DEAF1: variants seen among roughly 807,000 people sequenced by gnomAD.
DEAF1 encodes DEAF1 transcription factor, also known as deformed epidermal autoregulatory factor 1 homolog.
In DEAF1, 53 loss-of-function variants were observed where a neutral mutation model predicts 58.9. That is an observed-to-expected ratio of 0.90 (90% confidence interval 0.72 to 1.13). DEAF1 has a LOEUF of 1.13. Ranked by LOEUF, DEAF1 falls within the 50% of genes most tolerant of loss-of-function variation. The probability of loss-of-function intolerance (pLI) is 0.00; values close to 1 mark genes in which losing one functional copy is unlikely to be tolerated. For synonymous variants in DEAF1, 385 were observed against 340.4 expected, an observed-to-expected ratio of 1.13 and a Z score of -1.44; for missense variants, 685 against 791.4, an observed-to-expected ratio of 0.87 and a Z score of 1.61.
chr11:657,619 C>T (rs117488660), intron 10 of DEAF1, among the ~76,000 whole-genome samples: 141 of 152,326 alleles, frequency 9.3e-4, no homozygotes, highest in Middle Eastern at 6.8e-3. Context: ...ACCAAGGAGA[C>T]ACCTACAGAC....
At chr11:695,301 G>C, upstream of DEAF1, 1 of 457,738 alleles carries the variant, frequency 2.2e-6, no homozygotes, top group African/African-American at 2.1e-5. Context: ...AGCCGAGACC[G>C]AGTCCTGAAC....
At chr11:680,889 T>A (rs1860330174) in intron 7 of DEAF1, 74 bp downstream of exon 7, 1 of 1,595,882 alleles carries the variant, frequency 6.3e-7, no homozygotes, top group Admixed American at 1.7e-5. Flanking sequence ...GCAGTGGCCG[T>A]GGGAGTGGTG....
chr11:667,420 G>A (rs1859597151), intron 10 of DEAF1, among the ~76,000 whole-genome samples: 1 of 148,442 alleles, frequency 6.7e-6, no homozygotes, highest in Admixed American at 6.6e-5. Context: ...AGGAGGGAAG[G>A]AGGAAAAGAG....
At chr11:682,633 T>TATCA (rs1461585096) in intron 6 of DEAF1, among the ~76,000 whole-genome samples, 3 of 152,190 alleles carry the variant, frequency 2.0e-5, no homozygotes, top group African/African-American at 7.2e-5. Context: ...TGCCTGAGTC[T>TATCA]ATCAGAGGGA....
At chr11:683,323 C>T (rs1434400797) in intron 6 of DEAF1, among the ~76,000 whole-genome samples, 1 of 152,142 alleles carries the variant, frequency 6.6e-6, no homozygotes, top group Admixed American at 6.6e-5. Context: ...CACTTTAGAT[C>T]GATGACCCAT....
chr11:654,073 C>T, intron 10 of DEAF1, 22 bp from the exon 11 acceptor site: 1 of 1,609,182 alleles, frequency 6.2e-7, no homozygotes, highest in Non-Finnish European at 8.5e-7. Flanking sequence ...ACACAACAGG[C>T]CAGTCAGTGA....
Position 688,751 on chromosome 11 carries a change from C to T in DEAF1, c.388-291G>A, listed in dbSNP as rs1037623444. 1.3e-5 allele frequency among the ~76,000 whole-genome samples: 2 copies of T among 152,166 alleles called. No homozygotes were observed. Among genetic ancestry groups the T allele is most frequent in the African/African-American group, 4.8e-5 (2 of 41,422 alleles). On this transcript the variant is annotated intron_variant, in intron 2 of 11. Coordinates refer to ENST00000382409, the MANE Select transcript of DEAF1 (RefSeq NM_021008.4). This position sits in a 1 kb window ranked among gnomAD's most constrained non-coding sequence, Gnocchi z 4.3. ...CACAAACAAGAAACACCCTCCCTTC[C>T]ACCTGAGCCGCTCCCACAAGGTCAC... is the stretch of plus-strand genomic sequence containing the variant.
At chr11:655,078 CAA>C (rs1169061495) in intron 10 of DEAF1, among the ~76,000 whole-genome samples, 3 of 150,150 alleles carry the variant, frequency 2.0e-5, no homozygotes, top group Non-Finnish European at 3.0e-5. Context: ...CAAACAAAAA[CAA>C]AGGGAAATCA....
chr11:679,166 A>G (rs1860222387), intron 8 of DEAF1, among the ~76,000 whole-genome samples: 2 of 152,148 alleles, frequency 1.3e-5, no homozygotes, highest in South Asian at 4.2e-4. Context: ...CCAAAAAAAA[A>G]TTAGCCGGGC....
chr11:648,713 A>G (rs1044852727), intron 11 of DEAF1, among the ~76,000 whole-genome samples: 3 of 152,192 alleles, frequency 2.0e-5, no homozygotes, highest in Admixed American at 6.6e-5. Flanking sequence ...AGGAAATTCT[A>G]TCCTCCTACT....
rs979815844 is a variant in DEAF1, at chr11:644,859, T to C, written c.1594-205A>G. On this transcript the variant is annotated intron_variant, in intron 11 of 11. Transcript: ENST00000382409. The surrounding 1 kb of genome is among the most constrained non-coding windows in gnomAD (Gnocchi z 4.3). ...CCCCACACTCTCTTGGTTTGAGGAA[T>C]TGGATCAAAAGGCAAACAACAGGCA... 4.6e-5 allele frequency among the ~76,000 whole-genome samples: 7 copies of C among 152,104 alleles called. No individual in the cohort carries two copies. The highest frequency in any genetic ancestry group is 6.8e-3 in the Middle Eastern group (2 of 294).
intron 8 of DEAF1, 114 bp from the exon 9 acceptor site, chr11:678,936 G>A (rs781257037): frequency 9.2e-5 from 129 of 1,397,426 alleles, no homozygotes; most frequent in South Asian, 3.6e-4. Flanking sequence ...ATGGCCACAC[G>A]TGGCTACTGA....
intron 11 of DEAF1, among the ~76,000 whole-genome samples, chr11:652,260 A>G (rs1858809137): frequency 6.6e-6 from 1 of 152,238 alleles, no homozygotes; most frequent in Non-Finnish European, 1.5e-5. Flanking sequence ...TGAATCCAGC[A>G]CACACTTCCA....
At chr11:666,551 G>A (rs6598002) in intron 10 of DEAF1, 37,304 of 151,924 alleles carry the variant, frequency 0.25, 7,415 homozygotes, top group African/African-American at 0.56. Context: ...CAAAAATACA[G>A]AAAATTAGCC....
At chr11:690,863 C>T (rs1860804261) in intron 2 of DEAF1, among the ~76,000 whole-genome samples, 1 of 152,224 alleles carries the variant, frequency 6.6e-6, no homozygotes. Context: ...CAGGGAAAAT[C>T]CCTTTCTGGA....
intron 10 of DEAF1, among the ~76,000 whole-genome samples, chr11:660,992 C>T (rs1859297127): frequency 6.6e-6 from 1 of 152,202 alleles, no homozygotes; most frequent in Admixed American, 6.5e-5. Flanking sequence ...CAGCACAGAC[C>T]TATTTCTGAG....
At chr11:696,152 G>T (rs1861144365), upstream of DEAF1, among the ~76,000 whole-genome samples, 1 of 152,168 alleles carries the variant, frequency 6.6e-6, no homozygotes, top group Non-Finnish European at 1.5e-5. Context: ...GTGAAGACAC[G>T]TGGGCGGGAT....
chr11:705,811 G>A (rs775303322), intron 1 of DEAF1, among the ~76,000 whole-genome samples: 35 of 152,294 alleles, frequency 2.3e-4, no homozygotes, highest in Middle Eastern at 3.4e-3. Flanking sequence ...CGCTGCCCCC[G>A]AAGTCCCATT....
chr11:674,771 AG>A lies in DEAF1; in HGVS notation c.1267del (p.Leu423CysfsTer34). 6.2e-7 allele frequency: 1 copy of A among 1,612,242 alleles called. No homozygotes were observed. The highest frequency in any genetic ancestry group is 8.5e-7 in the Non-Finnish European group (1 of 1,180,024). On this transcript the variant is annotated frameshift_variant, in exon 10 of 12. Coordinates refer to ENST00000382409, the MANE Select transcript of DEAF1 (RefSeq NM_021008.4). LOFTEE classifies it high-confidence loss of function. Reference sequence around the variant, plus strand: ...CGGGGGTGGGACCGCCAGCGCAGGCAGGGATGTCAACACTAGAGCATTTGGA... The same window carrying A: ...CGGGGGTGGGACCGCCAGCGCAGGCAGGATGTCAACACTAGAGCATTTGGA... ...TSHPKIVLTS[L>X]PALAVPPPTP... is the part of the protein sequence containing the mutation.
Sources: allele counts gnomAD v4.1 joint callset (sites outside exome capture counted in the v4.1 genomes callset), GRCh38; gene constraint gnomAD v4.1.1; non-coding constraint Gnocchi (gnomAD v3.1); transcripts MANE v1.5; gene names NCBI Gene and HGNC (gene_info 2026-07-23, HGNC 2026-07-21).